GAREM1: variants seen among roughly 807,000 people sequenced by gnomAD.
GAREM1 encodes the protein GRB2-associated and regulator of MAPK protein 1.
GAREM1 carries 26 observed loss-of-function variants against 71.3 expected under a neutral mutation model. That is an observed-to-expected ratio of 0.36 (90% CI 0.27 to 0.51). The LOEUF (loss-of-function observed/expected upper bound fraction) is 0.51, where lower values mean the gene tolerates loss of function less well. GAREM1 is among the 20% of genes least tolerant of loss of function. The pLI, the probability that GAREM1 is intolerant of heterozygous loss-of-function variation, is 0.95. For synonymous variants in GAREM1, 440 were observed against 433.2 expected, an observed-to-expected ratio of 1.02 and a Z score of -0.20; for missense variants, 1,026 against 1,103.1, an observed-to-expected ratio of 0.93 and a Z score of 0.99.
At chr18:32,304,490 G>A (rs933762310) in intron 3 of GAREM1, among the ~76,000 whole-genome samples, 1 of 152,044 alleles carries the variant, frequency 6.6e-6, no homozygotes, top group East Asian at 1.9e-4. Context: ...TAGGCTCTAT[G>A]GGCTATATAG....
At position 32,457,224 on chromosome 18, in the gene GAREM1, A is replaced by AGTGTGTGTGTGT. The variant is rs1309543369; in HGVS notation, c.121+13083_121+13084insACACACACACAC. Among the ~76,000 whole-genome samples the AGTGTGTGTGTGT allele has an allele frequency of 3.6e-3, 391 of 107,298 alleles. 2 individuals carry two copies. Among genetic ancestry groups the AGTGTGTGTGTGT allele is most frequent in the Non-Finnish European group, 5.3e-3 (282 of 53,674 alleles). The allele number at this position is 107,298 out of a possible 152,430, so 70.4% of individuals were successfully genotyped here. On this transcript the variant is annotated intron_variant, in intron 1 of 5. Transcript: ENST00000269209. ...TAGGGGGGGAGAGAGAGAGAGAGAG[A>AGTGTGTGTGTGT]GAGTGTGTGTGTGTGTGTGTGTGTG...
chr18:32,290,376 A>G (rs1032376577), intron 3 of GAREM1: 3 of 152,170 alleles, frequency 2.0e-5, no homozygotes, highest in African/African-American at 7.2e-5. Flanking sequence ...AGATATCTGC[A>G]AAACATATCA....
chr18:32,281,483 T>C (rs879668883), intron 4 of GAREM1, among the ~76,000 whole-genome samples: 1 of 152,198 alleles, frequency 6.6e-6, no homozygotes, highest in Non-Finnish European at 1.5e-5. Context: ...TCTTAAAACT[T>C]AGTCCCTAAA....
intron 2 of GAREM1, among the ~76,000 whole-genome samples, chr18:32,344,842 AC>A (rs2047679113): frequency 6.6e-6 from 1 of 152,186 alleles, no homozygotes; most frequent in African/African-American, 2.4e-5. Flanking sequence ...CGGGCAGAAC[AC>A]AAGGTCAGGA....
Position 32,362,987 on chromosome 18 carries a change from C to A in GAREM1, c.262+29908G>T, listed in dbSNP as rs561490500. ...TAATTTAATTTATATACCTTTATAT[C>A]CGAATTCATTCATCAAGTTTGCTTA... On this transcript the variant is annotated intron_variant, in intron 2 of 5. Coordinates refer to ENST00000269209, the MANE Select transcript of GAREM1 (RefSeq NM_001242409.2). 7.2e-5 allele frequency among the ~76,000 whole-genome samples: 11 copies of A among 152,246 alleles called. No homozygotes were observed. The South Asian group carries it at 1.7e-3, about 23-fold the overall frequency.
intron 1 of GAREM1, among the ~76,000 whole-genome samples, chr18:32,454,197 C>T (rs574349481): frequency 6.6e-5 from 10 of 151,882 alleles, no homozygotes; most frequent in African/African-American, 2.4e-4. Context: ...ACAAAAAGTC[C>T]TTGTTTCTTA....
At chr18:32,321,414 C>T (rs2144539187) in intron 2 of GAREM1, among the ~76,000 whole-genome samples, 1 of 152,286 alleles carries the variant, frequency 6.6e-6, no homozygotes, top group Non-Finnish European at 1.5e-5. Context: ...TCTCATTCCG[C>T]TTCTTTCCTC....
Position 32,265,251 on chromosome 18 carries a change from G to A in GAREM1, c.*2620C>T, listed in dbSNP as rs1339644983. On this transcript the variant is annotated 3_prime_UTR_variant, in exon 6 of 6. Transcript: ENST00000269209. ...ATTTATTACAATTAAAAGAATTCCA[G>A]GTCAGTAAAAAAAACAAAAAACAAA... 1 of 151,956 alleles carries A rather than the reference G, an allele frequency of 6.6e-6. No homozygotes were observed. The highest frequency in any genetic ancestry group is 2.4e-5 in the African/African-American group (1 of 41,314). The allele number at this position is 151,956 out of a possible 1,614,324, so 9.4% of individuals were successfully genotyped here.
intron 2 of GAREM1, among the ~76,000 whole-genome samples, chr18:32,370,392 C>T (rs1409260497): frequency 6.9e-6 from 1 of 145,532 alleles, no homozygotes; most frequent in Admixed American, 6.9e-5. Context: ...CACCGCACTC[C>T]AGCCTGGCAA....
intron 1 of GAREM1, among the ~76,000 whole-genome samples, chr18:32,430,604 G>C (rs1189688610): frequency 4.6e-5 from 7 of 152,176 alleles, no homozygotes; most frequent in African/African-American, 1.7e-4. Flanking sequence ...AGACTGCATG[G>C]GGCAGCATTC....
chr18:32,444,814 A>G (rs555728073), intron 1 of GAREM1, among the ~76,000 whole-genome samples: 1 of 152,308 alleles, frequency 6.6e-6, no homozygotes, highest in Non-Finnish European at 1.5e-5. Flanking sequence ...GATTGAATGC[A>G]TATGTTCCTA....
intron 2 of GAREM1, among the ~76,000 whole-genome samples, chr18:32,354,093 AT>A (rs1204018449): frequency 2.0e-5 from 3 of 152,356 alleles, no homozygotes; most frequent in African/African-American, 7.2e-5. Flanking sequence ...ATTCATGAGC[AT>A]TACAAGGTAG....
intron 2 of GAREM1, among the ~76,000 whole-genome samples, chr18:32,389,218 T>G (rs961820360): frequency 6.6e-6 from 1 of 152,096 alleles, no homozygotes; most frequent in Admixed American, 6.5e-5. Context: ...CCAAATAACA[T>G]TGAGGGGTGT....
At chr18:32,359,640 T>TA (rs1417066343) in intron 2 of GAREM1, among the ~76,000 whole-genome samples, 2 of 151,808 alleles carry the variant, frequency 1.3e-5, no homozygotes, top group African/African-American at 4.9e-5. Context: ...GAGGACATCA[T>TA]GTGATCTATC....
At chr18:32,274,672 C>T (rs568467661) in intron 4 of GAREM1, among the ~76,000 whole-genome samples, 1 of 152,200 alleles carries the variant, frequency 6.6e-6, no homozygotes, top group East Asian at 1.9e-4. Context: ...GACTCAGTGT[C>T]CCCCCAGCAC....
intron 5 of GAREM1, among the ~76,000 whole-genome samples, chr18:32,269,982 G>A (rs1043076130): frequency 2.6e-5 from 4 of 152,114 alleles, no homozygotes; most frequent in Admixed American, 1.3e-4. Flanking sequence ...CTTTACCTCT[G>A]AATTTCTCAG....
intron 2 of GAREM1, among the ~76,000 whole-genome samples, chr18:32,374,867 T>A (rs772634039): frequency 1.3e-5 from 2 of 152,200 alleles, no homozygotes; most frequent in African/African-American, 4.8e-5. Flanking sequence ...GATATATGTA[T>A]AAGGTATCTT....
chr18:32,333,783 A>AT (rs1034804910), intron 2 of GAREM1, among the ~76,000 whole-genome samples: 3 of 151,738 alleles, frequency 2.0e-5, no homozygotes, highest in Non-Finnish European at 2.9e-5. Context: ...TGCATTTGGT[A>AT]TTTTTTTTCC....
intron 1 of GAREM1, among the ~76,000 whole-genome samples, chr18:32,438,402 C>G (rs2144269560): frequency 6.6e-6 from 1 of 152,312 alleles, no homozygotes; most frequent in Admixed American, 6.5e-5. Flanking sequence ...TCTGTGATGA[C>G]AGCTAGCGCT....
Sources: gnomAD v4.1 joint callset for allele counts (sites outside exome capture counted in the v4.1 genomes callset) on GRCh38, gnomAD v4.1.1 for gene constraint, MANE v1.5 for transcripts, NCBI Gene and HGNC (gene_info 2026-07-23, HGNC 2026-07-21) for gene names.